Variants in SCARB2 observed in about 807,000 individuals in gnomAD.
The protein encoded by SCARB2 is lysosome membrane protein 2.
Under a neutral mutation model 58.6 loss-of-function variants are expected in SCARB2, and 29 were observed. That is an observed-to-expected ratio of 0.49 (90% confidence interval 0.37 to 0.67). The LOEUF (loss-of-function observed/expected upper bound fraction) is 0.67, where lower values mean the gene tolerates loss of function less well. SCARB2 is among the 30% of genes least tolerant of loss of function. SCARB2 has a pLI of 0.00. For missense variants in SCARB2, 488 were observed against 578.5 expected, an observed-to-expected ratio of 0.84 and a Z score of 1.60; for synonymous variants, 195 against 210.1, an observed-to-expected ratio of 0.93 and a Z score of 0.62.
chr4:76,183,710 C>G (rs568963064), intron 2 of SCARB2, among the ~76,000 whole-genome samples: 122 of 152,330 alleles, frequency 8.0e-4, no homozygotes, highest in Admixed American at 1.4e-3. Context: ...CTTTCAGCCC[C>G]TCTCCCCTCC....
Position 76,164,637 on chromosome 4 carries a change from G to GA in SCARB2, c.1240-1255dup, listed in dbSNP as rs11343804. ...GCAACAGAGCAAGACTCCATCTCAG[G>GA]AAAAAAAAAAAAAATTAGCCGGGCA... On this transcript the variant is annotated intron_variant, in intron 10 of 11. Transcript: ENST00000264896. The GA allele has an allele frequency of 1.3e-3, 181 of 134,746 alleles. 1 individual carries two copies. Among genetic ancestry groups the GA allele is most frequent in the Middle Eastern group, 4.4e-3 (1 of 228 alleles). The allele number at this position is 134,746 out of a possible 1,614,324, so 8.3% of individuals were successfully genotyped here.
In SCARB2 at chr4:76,209,984, G is replaced by A. The variant is rs749045698; in HGVS notation, c.117+3443C>T. On this transcript the variant is annotated intron_variant, in intron 1 of 11. Transcript: ENST00000264896. ...CAGCACGTCTGCAGAGATTAGGAGC[G>A]CAAACTTAATATTCTGAACTGCATA... Among the ~76,000 whole-genome samples, 15 of 152,268 alleles carry A rather than the reference G, an allele frequency of 9.9e-5. 1 individual carries two copies. The highest frequency in any genetic ancestry group is 1.6e-4 in the Non-Finnish European group (11 of 68,016).
At chr4:76,194,768 G>C (rs1034381763) in intron 2 of SCARB2, 6 of 152,100 alleles carry the variant, frequency 3.9e-5, no homozygotes, top group African/African-American at 1.4e-4. Context: ...AGAGGGAGGA[G>C]GTATTGTAAT....
intron 1 of SCARB2, among the ~76,000 whole-genome samples, chr4:76,197,973 T>G (rs1461509576): frequency 6.6e-6 from 1 of 152,084 alleles, no homozygotes; most frequent in East Asian, 1.9e-4. Context: ...GGAGAAGGAA[T>G]GGACACAAAG....
intron 2 of SCARB2, among the ~76,000 whole-genome samples, chr4:76,185,843 T>G (rs1553948930): frequency 6.6e-6 from 1 of 152,230 alleles, no homozygotes; most frequent in Non-Finnish European, 1.5e-5. Flanking sequence ...AGGGTTAACA[T>G]TCAACCCTGG....
At chr4:76,163,030 C>T (rs1010302545) in intron 11 of SCARB2, 195 bp downstream of exon 11, 5 of 673,752 alleles carry the variant, frequency 7.4e-6, no homozygotes, top group Non-Finnish European at 1.3e-5. Flanking sequence ...TACCTTCTAA[C>T]CCTCCACCTT....
At chr4:76,214,473 A>C, upstream of SCARB2, 1 of 364,424 alleles carries the variant, frequency 2.7e-6, no homozygotes. Context: ...AGGAAGCAAG[A>C]AGGAAGTTCC....
chr4:76,181,814 C>T (rs1342937407), intron 2 of SCARB2, among the ~76,000 whole-genome samples: 2 of 152,128 alleles, frequency 1.3e-5, no homozygotes, highest in Non-Finnish European at 2.9e-5. Context: ...GATCCTCCTG[C>T]CTCGACCTTC....
At chr4:76,162,895 A>G in intron 11 of SCARB2, 1 of 504,704 alleles carries the variant, frequency 2.0e-6, no homozygotes, top group Non-Finnish European at 3.6e-6. Flanking sequence ...GCAGTCTGAC[A>G]CCAAAGATCA....
intron 6 of SCARB2, 192 bp from the exon 7 acceptor site, chr4:76,174,505 T>A: frequency 1.7e-6 from 1 of 601,780 alleles, no homozygotes; most frequent in East Asian, 2.9e-5. Flanking sequence ...GTGGAAGGTG[T>A]TTATTGTAGC....
chr4:76,234,130 G>T (rs865779158), intron 1 of SCARB2, among the ~76,000 whole-genome samples: 1 of 152,264 alleles, frequency 6.6e-6, no homozygotes, highest in South Asian at 2.1e-4. Context: ...GGCAGGGAGG[G>T]GAGGGTGGAG....
intron 1 of SCARB2, among the ~76,000 whole-genome samples, chr4:76,201,051 C>T (rs1415297155): frequency 6.6e-6 from 1 of 152,194 alleles, no homozygotes; most frequent in African/African-American, 2.4e-5. Context: ...TGATCTGATG[C>T]AACTGCGTCA....
At chr4:76,201,830 A>G (rs1480957901) in intron 1 of SCARB2, among the ~76,000 whole-genome samples, 1 of 152,232 alleles carries the variant, frequency 6.6e-6, no homozygotes, top group Admixed American at 6.5e-5. Context: ...TGAATTTTTT[A>G]TAACATCCTT....
In SCARB2 at chr4:76,163,233, T is replaced by G. The variant is rs138713191; in HGVS notation, c.1390A>C (p.Met464Leu). 6.2e-7 allele frequency: 1 copy of G among 1,614,060 alleles called. No individual in the cohort carries two copies. Among genetic ancestry groups the G allele is most frequent in the Non-Finnish European group, 8.5e-7 (1 of 1,180,040 alleles). ...CTTCAGCCAGTTCTCACCTCATCCATGGATCCCTGTCCTTTGCATGCAAGC... is the reference window on the plus strand; with the variant it reads ...CTTCAGCCAGTTCTCACCTCATCCAGGGATCCCTGTCCTTTGCATGCAAGC... ...TWLACKGQGS[M>L]DEGTADERAP... Residue 464 changes from methionine to leucine, a missense_variant, in exon 11 of 12, where the codon ATG becomes CTG. By Grantham distance (15) the Met-to-Leu change is conservative (BLOSUM62 2). Coordinates refer to ENST00000264896, the MANE Select transcript of SCARB2 (RefSeq NM_005506.4).
chr4:76,201,950 T>C (rs1484114043), intron 1 of SCARB2, among the ~76,000 whole-genome samples: 3 of 152,246 alleles, frequency 2.0e-5, no homozygotes, highest in African/African-American at 7.2e-5. Flanking sequence ...GCCACTGTTC[T>C]AGGTATTGGA....
At chr4:76,189,120 T>G (rs1732547926) in intron 2 of SCARB2, among the ~76,000 whole-genome samples, 1 of 152,226 alleles carries the variant, frequency 6.6e-6, no homozygotes, top group South Asian at 2.1e-4. Context: ...AATTTACATA[T>G]TCCACAAATA....
At chr4:76,163,545 A>G in intron 10 of SCARB2, 162 bp from the exon 11 acceptor site, 1 of 703,766 alleles carries the variant, frequency 1.4e-6, no homozygotes, top group South Asian at 1.8e-5. Context: ...CAGAAGGGAC[A>G]TTTATTCATT....
chr4:76,204,596 C>T (rs1331441997), intron 1 of SCARB2, among the ~76,000 whole-genome samples: 1 of 152,046 alleles, frequency 6.6e-6, no homozygotes, highest in Non-Finnish European at 1.5e-5. Context: ...AAAGCAGCTA[C>T]CGATAGAAAC....
At chr4:76,215,679 T>C (rs1262687654), upstream of SCARB2, among the ~76,000 whole-genome samples, 1 of 152,070 alleles carries the variant, frequency 6.6e-6, no homozygotes, top group Admixed American at 6.5e-5. Context: ...CTTTGCAAAT[T>C]CTTGCTCTTG....
Sources: gnomAD v4.1 joint callset for allele counts (sites outside exome capture counted in the v4.1 genomes callset) on GRCh38, gnomAD v4.1.1 for gene constraint, MANE v1.5 for transcripts, NCBI Gene and HGNC (gene_info 2026-07-23, HGNC 2026-07-21) for gene names.